The following MYO1B variants were observed in gnomAD, a reference collection of about 807,000 sequenced individuals.
MYO1B encodes unconventional myosin-Ib.
Under a neutral mutation model 159.7 loss-of-function variants are expected in MYO1B, and 72 were observed. That is an observed-to-expected ratio of 0.45 (90% CI 0.37 to 0.55). The LOEUF (loss-of-function observed/expected upper bound fraction) is 0.55, where lower values mean the gene tolerates loss of function less well. MYO1B is among the 20% of genes least tolerant of loss of function. The pLI is 0.00. For missense variants in MYO1B, 1,062 were observed against 1,364.8 expected, an observed-to-expected ratio of 0.78 and a Z score of 3.50; for synonymous variants, 468 against 473.8, an observed-to-expected ratio of 0.99 and a Z score of 0.16.
At chr2:191,308,061 A>G (rs1689760181) in intron 3 of MYO1B, among the ~76,000 whole-genome samples, 1 of 151,904 alleles carries the variant, frequency 6.6e-6, no homozygotes, top group South Asian at 2.1e-4. Flanking sequence ...GGGTTGAAAG[A>G]TTCCCCCCCA....
Position 191,385,873 on chromosome 2 carries a change from C to T in MYO1B, c.1354-11C>T, listed in dbSNP as rs377176678. The T allele has an allele frequency of 4.0e-4, 651 of 1,610,758 alleles. 1 individual carries two copies. Among genetic ancestry groups the T allele is most frequent in the Non-Finnish European group, 5.2e-4 (608 of 1,178,754 alleles). On this transcript the variant is annotated splice_polypyrimidine_tract_variant and intron_variant, in intron 15 of 30. Coordinates refer to ENST00000392318, the MANE Select transcript of MYO1B (RefSeq NM_001130158.3). ...GGAAGGAAGGAAACTTTTTTATTTC[C>T]GTTTTCCCAGAACACAAATGGAATC... is the stretch of plus-strand genomic sequence containing the variant.
At chr2:191,253,316 T>G (rs1244485201) in intron 1 of MYO1B, among the ~76,000 whole-genome samples, 1 of 152,194 alleles carries the variant, frequency 6.6e-6, no homozygotes, top group Non-Finnish European at 1.5e-5. Flanking sequence ...CTATAGTCAC[T>G]TCACTGTAGC....
At chr2:191,349,580 A>C (rs1692782552) in intron 6 of MYO1B, among the ~76,000 whole-genome samples, 2 of 152,356 alleles carry the variant, frequency 1.3e-5, no homozygotes, top group African/African-American at 2.4e-5. Context: ...ACTATCTATA[A>C]AGTGTAAAAT....
chr2:191,365,186 C>T (rs968338740), intron 11 of MYO1B, among the ~76,000 whole-genome samples: 1 of 152,192 alleles, frequency 6.6e-6, no homozygotes, highest in African/African-American at 2.4e-5. Flanking sequence ...CTATGGCTTA[C>T]GCATTTTACC....
intron 4 of MYO1B, among the ~76,000 whole-genome samples, chr2:191,332,019 A>G (rs992596283): frequency 6.6e-6 from 1 of 152,156 alleles, no homozygotes; most frequent in Non-Finnish European, 1.5e-5. Context: ...CTGGAGTGCA[A>G]TGGCGCGATC....
At chr2:191,324,558 T>C (rs1690932300) in intron 3 of MYO1B, among the ~76,000 whole-genome samples, 1 of 152,180 alleles carries the variant, frequency 6.6e-6, no homozygotes, top group South Asian at 2.1e-4. Context: ...CCATCTGTTA[T>C]GTTTGTTTTC....
chr2:191,360,321 A>G (rs16833635), intron 7 of MYO1B, among the ~76,000 whole-genome samples: 2 of 152,246 alleles, frequency 1.3e-5, no homozygotes, highest in African/African-American at 4.8e-5. Flanking sequence ...TTGTAACGTC[A>G]CATTTTCAGG....
At chr2:191,321,028 G>A (rs929291066) in intron 3 of MYO1B, among the ~76,000 whole-genome samples, 16 of 152,084 alleles carry the variant, frequency 1.1e-4, no homozygotes, top group African/African-American at 3.9e-4. Flanking sequence ...TTAGAGGAGA[G>A]TGTTTTACAT....
chr2:191,363,336 A>T (rs1693793231), intron 9 of MYO1B, among the ~76,000 whole-genome samples: 1 of 152,052 alleles, frequency 6.6e-6, no homozygotes, highest in African/African-American at 2.4e-5. Context: ...ACCTTTGCAA[A>T]CCACAGTTTT....
At chr2:191,379,039 C>T (rs986509192) in intron 13 of MYO1B, among the ~76,000 whole-genome samples, 3 of 152,164 alleles carry the variant, frequency 2.0e-5, no homozygotes, top group Non-Finnish European at 2.9e-5. Flanking sequence ...GAACCCTCCC[C>T]TAGCAAACCA....
At chr2:191,381,715 T>C in intron 14 of MYO1B, 149 bp downstream of exon 14, 1 of 619,538 alleles carries the variant, frequency 1.6e-6, no homozygotes, top group Non-Finnish European at 2.8e-6. Context: ...GGCAAAGCTA[T>C]AGAGACTGAT....
At chr2:191,323,401 T>G (rs1185996035) in intron 3 of MYO1B, among the ~76,000 whole-genome samples, 2 of 152,148 alleles carry the variant, frequency 1.3e-5, no homozygotes, top group African/African-American at 4.8e-5. Flanking sequence ...GTTTTGAAGG[T>G]GTCTTACACA....
At chr2:191,261,441 T>A (rs1266505432) in intron 1 of MYO1B, among the ~76,000 whole-genome samples, 2 of 152,214 alleles carry the variant, frequency 1.3e-5, no homozygotes, top group Non-Finnish European at 2.9e-5. Flanking sequence ...GGTTAAGTTG[T>A]GATTATGTAA....
At chr2:191,260,826 A>G (rs1686767260) in intron 1 of MYO1B, among the ~76,000 whole-genome samples, 1 of 152,104 alleles carries the variant, frequency 6.6e-6, no homozygotes, top group African/African-American at 2.4e-5. Flanking sequence ...CTGGTTGTGG[A>G]TTTGAAGTGT....
chr2:191,252,452 A>G (rs901823891), intron 1 of MYO1B, among the ~76,000 whole-genome samples: 3 of 152,226 alleles, frequency 2.0e-5, no homozygotes, highest in Non-Finnish European at 4.4e-5. Context: ...TGATCTCTTA[A>G]AAACCTCTTA....
intron 3 of MYO1B, among the ~76,000 whole-genome samples, chr2:191,311,516 T>C (rs1690001635): frequency 6.6e-6 from 1 of 152,234 alleles, no homozygotes; most frequent in South Asian, 2.1e-4. Context: ...TTGCTTTGCC[T>C]TCGAAAGACA....
At chr2:191,416,818 A>T (rs1245361311) in intron 30 of MYO1B, among the ~76,000 whole-genome samples, 1 of 152,064 alleles carries the variant, frequency 6.6e-6, no homozygotes, top group South Asian at 2.1e-4. Context: ...CGTCTCAGAA[A>T]AAAAAAAAGA....
intron 13 of MYO1B, among the ~76,000 whole-genome samples, chr2:191,378,373 G>A (rs1038888595): frequency 2.0e-5 from 3 of 152,112 alleles, no homozygotes; most frequent in African/African-American, 7.2e-5. Context: ...GTCAGCAAAG[G>A]GTGGTGGGAT....
intron 3 of MYO1B, among the ~76,000 whole-genome samples, chr2:191,318,500 T>C (rs1205502214): frequency 6.6e-6 from 1 of 152,208 alleles, no homozygotes; most frequent in Non-Finnish European, 1.5e-5. Context: ...ACCTGATGCC[T>C]GTCTCCAGAT....
Sources: allele counts gnomAD v4.1 joint callset (sites outside exome capture counted in the v4.1 genomes callset), GRCh38; gene constraint gnomAD v4.1.1; transcripts MANE v1.5; gene names NCBI Gene and HGNC (gene_info 2026-07-23, HGNC 2026-07-21).